Variants in SORBS2 observed in about 807,000 individuals in gnomAD.
SORBS2 encodes the protein sorbin and SH3 domain-containing protein 2.
Under a neutral mutation model 97.7 loss-of-function variants are expected in SORBS2, and 46 were observed. The ratio of observed to expected loss-of-function variants is 0.47; its 90% CI spans 0.37 to 0.60. The LOEUF is 0.60. SORBS2 is among the 20% of genes least tolerant of loss of function. The pLI is 0.00. For synonymous variants in SORBS2, 476 were observed against 473.4 expected, an observed-to-expected ratio of 1.01 and a Z score of -0.07; for missense variants, 1,316 against 1,282.3, an observed-to-expected ratio of 1.03 and a Z score of -0.40.
At position 185,611,760 on chromosome 4, in the gene SORBS2, A is replaced by T; in HGVS notation, c.2796+20T>A. ...TTGGAGCTTCCAATATTACATTAAC[A>T]TGATAGAGTATGTTCTTACCTTATT... On this transcript the variant is annotated intron_variant, in intron 12 of 14. Transcript: ENST00000418609. The T allele has an allele frequency of 1.3e-6, 2 of 1,594,120 alleles. No individual in the cohort carries two copies. The highest frequency in any genetic ancestry group is 2.2e-5 in the South Asian group (2 of 90,438).
At chr4:185,921,972 T>C (rs34371287) in intron 1 of SORBS2, among the ~76,000 whole-genome samples, 46,701 of 152,186 alleles carry the variant, frequency 0.31, 8,091 homozygotes, top group East Asian at 0.53. Flanking sequence ...GTTAAAACAC[T>C]GGCTCACATT....
At chr4:185,727,406 A>G (rs1021337766) in intron 2 of SORBS2, among the ~76,000 whole-genome samples, 9 of 152,212 alleles carry the variant, frequency 5.9e-5, no homozygotes, top group Admixed American at 2.0e-4. Context: ...GATTTCAATA[A>G]ATTTGGTAAT....
intron 1 of SORBS2, among the ~76,000 whole-genome samples, chr4:185,824,462 T>C (rs2099198644): frequency 6.6e-6 from 1 of 152,206 alleles, no homozygotes; most frequent in African/African-American, 2.4e-5. Context: ...TCACAAGTCC[T>C]GGGGTTAGGA....
chr4:185,921,929 A>G (rs1431934994), intron 1 of SORBS2, among the ~76,000 whole-genome samples: 1 of 152,232 alleles, frequency 6.6e-6, no homozygotes, highest in Non-Finnish European at 1.5e-5. Context: ...TGCCTGTTAC[A>G]GGAACACTGC....
intron 2 of SORBS2, among the ~76,000 whole-genome samples, chr4:185,711,801 T>C (rs1448995267): frequency 1.3e-5 from 2 of 152,188 alleles, no homozygotes; most frequent in African/African-American, 4.8e-5. Context: ...CGGGTCTGTC[T>C]TTAAAAGGCC....
At chr4:185,694,697 C>CTTT (rs2098145600) in intron 2 of SORBS2, among the ~76,000 whole-genome samples, 1 of 98,724 alleles carries the variant, frequency 1.0e-5, no homozygotes, top group South Asian at 4.0e-4. Flanking sequence ...TTTCTTTTTC[C>CTTT]TTTTCTTTCT....
At chr4:185,762,572 G>A (rs965907117) in intron 2 of SORBS2, among the ~76,000 whole-genome samples, 5 of 152,194 alleles carry the variant, frequency 3.3e-5, no homozygotes, top group African/African-American at 1.2e-4. Flanking sequence ...AGCTTCCAGT[G>A]TCACAGAAGG....
intron 1 of SORBS2, among the ~76,000 whole-genome samples, chr4:185,874,295 T>G (rs572219225): frequency 1.3e-5 from 2 of 152,272 alleles, no homozygotes; most frequent in Admixed American, 1.3e-4. Flanking sequence ...AATATTTCTG[T>G]GAAAAACAGG....
intron 1 of SORBS2, chr4:185,933,150 T>C (rs2149974185): frequency 6.6e-6 from 1 of 152,228 alleles, no homozygotes; most frequent in Non-Finnish European, 1.5e-5. Flanking sequence ...TCAAGGGAGG[T>C]CTGAGTCACA....
At chr4:185,646,107 C>A (rs776402056) in intron 4 of SORBS2, 1 of 152,116 alleles carries the variant, frequency 6.6e-6, no homozygotes, top group Non-Finnish European at 1.5e-5. Context: ...ATTAAAACAA[C>A]TTGTTATGAA....
At chr4:185,656,683 C>G in exon 1 of SORBS2, 2 of 1,550,354 alleles carry the variant, frequency 1.3e-6, no homozygotes, top group Non-Finnish European at 1.7e-6. Context: ...GCCTTCTCTT[C>G]CAGTGGACTT....
intron 1 of SORBS2, among the ~76,000 whole-genome samples, chr4:185,934,639 C>T (rs2099268067): frequency 6.6e-6 from 1 of 151,902 alleles, no homozygotes; most frequent in Non-Finnish European, 1.5e-5. Flanking sequence ...AACAAATTAG[C>T]CAGACATGGT....
intron 1 of SORBS2, among the ~76,000 whole-genome samples, chr4:185,842,321 C>T (rs2099212025): frequency 6.6e-6 from 1 of 152,166 alleles, no homozygotes; most frequent in African/African-American, 2.4e-5. Flanking sequence ...TTGGTTGGCT[C>T]AAGAAAGAGA....
At chr4:185,689,300 G>A (rs552851166) in intron 2 of SORBS2, among the ~76,000 whole-genome samples, 1 of 152,308 alleles carries the variant, frequency 6.6e-6, no homozygotes, top group South Asian at 2.1e-4. Flanking sequence ...ACTTCCTCAT[G>A]TGGAACTTCT....
At chr4:185,610,946 G>C (rs1168003402) in intron 12 of SORBS2, among the ~76,000 whole-genome samples, 2 of 152,012 alleles carry the variant, frequency 1.3e-5, no homozygotes, top group African/African-American at 4.8e-5. Flanking sequence ...TTCATAAAAA[G>C]AATATAATTC....
At chr4:185,892,306 C>T (rs1388441519) in intron 1 of SORBS2, among the ~76,000 whole-genome samples, 5 of 152,284 alleles carry the variant, frequency 3.3e-5, no homozygotes, top group Non-Finnish European at 7.4e-5. Flanking sequence ...AGAATTGCAT[C>T]ATGTATCTTT....
At chr4:185,731,576 T>C (rs1401350247) in intron 2 of SORBS2, among the ~76,000 whole-genome samples, 461 of 16,208 alleles carry the variant, frequency 0.028, no homozygotes, top group Middle Eastern at 0.056. Flanking sequence ...ATCTCTCTCC[T>C]TCCCTCTCTC....
chr4:185,617,038 C>A (rs530260343), intron 9 of SORBS2, among the ~76,000 whole-genome samples: 2 of 152,290 alleles, frequency 1.3e-5, no homozygotes, highest in African/African-American at 4.8e-5. Flanking sequence ...CATGAGCCAC[C>A]GTGCCCAGCT....
At chr4:185,884,679 C>T (rs1459761308) in intron 1 of SORBS2, among the ~76,000 whole-genome samples, 4 of 152,164 alleles carry the variant, frequency 2.6e-5, no homozygotes, top group African/African-American at 9.7e-5. Context: ...ATGGTTTCCT[C>T]AGTAAAGGAC....
Sources: allele counts gnomAD v4.1 joint callset (sites outside exome capture counted in the v4.1 genomes callset), GRCh38; gene constraint gnomAD v4.1.1; transcripts MANE v1.5; gene names NCBI Gene and HGNC (gene_info 2026-07-23, HGNC 2026-07-21).